The following TBC1D22A variants were observed in gnomAD, a reference collection of about 807,000 sequenced individuals.
The protein encoded by TBC1D22A is TBC1 domain family member 22A.
In TBC1D22A, 38 loss-of-function variants were observed where a neutral mutation model predicts 60.2. That is an observed-to-expected ratio of 0.63 (90% CI 0.49 to 0.83). TBC1D22A has a LOEUF of 0.83. TBC1D22A is among the 40% of genes least tolerant of loss of function. TBC1D22A has a pLI of 0.00. For missense variants in TBC1D22A, 628 were observed against 701.0 expected (o/e 0.90, Z 1.18); for synonymous variants, 302 against 281.7 (o/e 1.07, Z -0.72).
intron 11 of TBC1D22A, among the ~76,000 whole-genome samples, chr22:47,065,656 A>AGTTGGGACTGGGTTGGATGGC (rs2063745049): frequency 6.9e-6 from 1 of 145,638 alleles, no homozygotes; most frequent in Admixed American, 6.9e-5. Flanking sequence ...GGTTGGATTG[A>AGTTGGGACTGGGTTGGATGGC]GGGAGACCTG....
intron 4 of TBC1D22A, among the ~76,000 whole-genome samples, chr22:46,846,771 T>C (rs975018263): frequency 6.6e-6 from 1 of 152,290 alleles, no homozygotes; most frequent in Admixed American, 6.5e-5. Flanking sequence ...ATTCGGCGGG[T>C]ATCAAGATAT....
intron 8 of TBC1D22A, among the ~76,000 whole-genome samples, chr22:46,971,835 A>C (rs2074074223): frequency 6.6e-6 from 1 of 152,216 alleles, no homozygotes; most frequent in African/African-American, 2.4e-5. Flanking sequence ...TGGGGGCTTC[A>C]TCAGAGGGTG....
At chr22:46,800,937 G>A (rs761908) in intron 4 of TBC1D22A, among the ~76,000 whole-genome samples, 84,951 of 151,974 alleles carry the variant, frequency 0.56, 24,220 homozygotes, top group Middle Eastern at 0.71. Context: ...TGGGAACCCT[G>A]TGCTGGGTCA....
At chr22:46,874,419 T>G (rs542733537) in intron 4 of TBC1D22A, among the ~76,000 whole-genome samples, 3 of 152,198 alleles carry the variant, frequency 2.0e-5, no homozygotes, top group Admixed American at 2.0e-4. Flanking sequence ...AAGGTGTTCC[T>G]TTTTCTCCAT....
intron 11 of TBC1D22A, among the ~76,000 whole-genome samples, chr22:47,058,653 G>A (rs1218393919): frequency 2.0e-5 from 3 of 152,044 alleles, no homozygotes; most frequent in African/African-American, 7.2e-5. Flanking sequence ...CAAGGAGGCA[G>A]GGCTCAGAGA....
At chr22:47,165,306 C>T (rs2068159692) in intron 12 of TBC1D22A, among the ~76,000 whole-genome samples, 1 of 152,206 alleles carries the variant, frequency 6.6e-6, no homozygotes, top group African/African-American at 2.4e-5. Context: ...TCCTCTGCCA[C>T]CTCCCAGGAG....
chr22:47,017,772 T>C (rs911726183), intron 10 of TBC1D22A, among the ~76,000 whole-genome samples: 7 of 152,208 alleles, frequency 4.6e-5, no homozygotes, highest in African/African-American at 1.7e-4. Context: ...AAGGGGCCTC[T>C]TAGTTCTTTG....
At chr22:46,904,064 GTGTA>G (rs2069207685) in intron 7 of TBC1D22A, among the ~76,000 whole-genome samples, 1 of 150,714 alleles carries the variant, frequency 6.6e-6, no homozygotes, top group Non-Finnish European at 1.5e-5. Flanking sequence ...ATATATATAT[GTGTA>G]TGTATACATA....
intron 4 of TBC1D22A, among the ~76,000 whole-genome samples, chr22:46,860,820 G>A (rs763301891): frequency 2.0e-4 from 30 of 152,160 alleles, no homozygotes; most frequent in Non-Finnish European, 3.4e-4. Context: ...TCTCGGGCTC[G>A]AGTGTAAATT....
chr22:46,887,267 T>C (rs1247726421), intron 5 of TBC1D22A, among the ~76,000 whole-genome samples: 7 of 152,220 alleles, frequency 4.6e-5, no homozygotes, highest in Non-Finnish European at 1.0e-4. Context: ...TGTAGCTTAA[T>C]AGATACCACT....
At chr22:46,945,280 C>T (rs1359449487) in intron 8 of TBC1D22A, among the ~76,000 whole-genome samples, 1 of 152,202 alleles carries the variant, frequency 6.6e-6, no homozygotes, top group African/African-American at 2.4e-5. Context: ...TTCATTCACT[C>T]ATTCATTCAG....
chr22:47,039,917 T>C (rs2062781226), intron 11 of TBC1D22A, among the ~76,000 whole-genome samples: 1 of 135,444 alleles, frequency 7.4e-6, no homozygotes, highest in Non-Finnish European at 1.6e-5. Flanking sequence ...GAGCAAGGCG[T>C]CGGGGAGGTG....
intron 12 of TBC1D22A, among the ~76,000 whole-genome samples, chr22:47,151,078 G>T (rs933796844): frequency 1.3e-5 from 2 of 152,152 alleles, no homozygotes; most frequent in Non-Finnish European, 2.9e-5. Context: ...AGGCTGAGGG[G>T]CCTGTGAGCT....
chr22:46,979,655 T>G (rs1295242184), intron 9 of TBC1D22A, among the ~76,000 whole-genome samples: 1 of 152,174 alleles, frequency 6.6e-6, no homozygotes, highest in Non-Finnish European at 1.5e-5. Context: ...AAACAGCCTT[T>G]TGCTTTCACA....
chr22:47,022,383 A>G (rs1029603308), intron 10 of TBC1D22A, among the ~76,000 whole-genome samples: 18 of 152,200 alleles, frequency 1.2e-4, no homozygotes, highest in African/African-American at 3.6e-4. Flanking sequence ...CATTGCCTGG[A>G]GAGAGTCTCT....
intron 11 of TBC1D22A, among the ~76,000 whole-genome samples, chr22:47,081,315 G>A (rs536046031): frequency 1.3e-5 from 2 of 152,240 alleles, no homozygotes; most frequent in South Asian, 2.1e-4. Flanking sequence ...TGGTAGAAAC[G>A]CTCCATAAAC....
At chr22:46,919,780 G>C (rs1050499363) in intron 8 of TBC1D22A, among the ~76,000 whole-genome samples, 7 of 142,638 alleles carry the variant, frequency 4.9e-5, no homozygotes, top group African/African-American at 1.8e-4. Context: ...AATTTAAAGA[G>C]ATTGAGTTCT....
chr22:47,113,652 C>T lies in TBC1D22A; in HGVS notation c.1425+2049C>T, dbSNP rs111397191. Among the ~76,000 whole-genome samples the T allele has an allele frequency of 4.0e-4, 61 of 152,330 alleles. No homozygotes were observed. The South Asian group carries it at 7.5e-3, about 19-fold the overall frequency. On this transcript the variant is annotated intron_variant, in intron 12 of 12. Transcript: ENST00000337137. ...CAGCAAAAGGCTGTGCCTCCATTGA[C>T]GACTCCATTTCTTCTGTCTGCTCCC...
intron 11 of TBC1D22A, among the ~76,000 whole-genome samples, chr22:47,102,293 T>C (rs1053614535): frequency 4.6e-5 from 7 of 152,170 alleles, no homozygotes; most frequent in Non-Finnish European, 8.8e-5. Context: ...CACCTCCCTG[T>C]GAGTCAGCCA....
Sources: gnomAD v4.1 joint callset for allele counts (sites outside exome capture counted in the v4.1 genomes callset) on GRCh38, gnomAD v4.1.1 for gene constraint, MANE v1.5 for transcripts, NCBI Gene and HGNC (gene_info 2026-07-23, HGNC 2026-07-21) for gene names.